Variants in PARD3B observed in about 807,000 individuals in gnomAD.
PARD3B encodes partitioning defective 3 homolog B.
In PARD3B, 103 loss-of-function variants were observed where a neutral mutation model predicts 130.2. The ratio of observed to expected loss-of-function variants is 0.79; its 90% CI spans 0.67 to 0.93. The LOEUF is 0.93. PARD3B is among the 40% of genes least tolerant of loss of function. PARD3B has a pLI of 0.00. For synonymous variants in PARD3B, 583 were observed against 553.2 expected (o/e 1.05, Z -0.76); for missense variants, 1,609 against 1,499.2 (o/e 1.07, Z -1.21).
At chr2:204,650,536 G>A (rs1483200195) in intron 1 of PARD3B, among the ~76,000 whole-genome samples, 1 of 152,130 alleles carries the variant, frequency 6.6e-6, no homozygotes, top group Non-Finnish European at 1.5e-5. Flanking sequence ...AGAAAATGTG[G>A]TACATATACA....
intron 18 of PARD3B, among the ~76,000 whole-genome samples, chr2:205,377,857 G>A (rs849212): frequency 0.21 from 31,559 of 147,730 alleles, 3,870 homozygotes; most frequent in African/African-American, 0.35. Context: ...TGCAACCTCC[G>A]TCTTCTGGGT....
intron 16 of PARD3B, among the ~76,000 whole-genome samples, chr2:205,296,657 TTGTGTATGTG>T (rs1355313269): frequency 2.9e-5 from 4 of 138,022 alleles, no homozygotes; most frequent in Non-Finnish European, 6.1e-5. Flanking sequence ...TGGAGTGTGT[TTGTGTATGTG>T]TGTGTGTGTG....
chr2:205,571,681 C>G (rs768727104), intron 22 of PARD3B, among the ~76,000 whole-genome samples: 1 of 152,088 alleles, frequency 6.6e-6, no homozygotes, highest in Non-Finnish European at 1.5e-5. Context: ...GGCTCTCCAT[C>G]GAGAAGAGCA....
chr2:205,274,859 C>G lies in PARD3B; in HGVS notation c.2186-25671C>G, dbSNP rs1444299462. 6.6e-6 allele frequency among the ~76,000 whole-genome samples: 1 copy of G among 152,162 alleles called. No individual in the cohort carries two copies. Among genetic ancestry groups the G allele is most frequent in the African/African-American group, 2.4e-5 (1 of 41,434 alleles). On this transcript the variant is annotated intron_variant, in intron 16 of 22. Transcript: ENST00000406610. This position sits in a 1 kb window ranked among gnomAD's most constrained non-coding sequence, Gnocchi z 4.2. The stretch of plus-strand genomic sequence containing the variant: ...TAATATTACCTTGTGTTTTAAACCA[C>G]TCAGAAAACTGGTAAAAAGCAGAAT...
intron 2 of PARD3B, among the ~76,000 whole-genome samples, chr2:204,896,128 A>C (rs2046632634): frequency 6.6e-6 from 1 of 152,150 alleles, no homozygotes; most frequent in South Asian, 2.1e-4. Flanking sequence ...TATTCTCTGT[A>C]CTTGTTCTGT....
chr2:204,549,650 C>T (rs2030296885), intron 1 of PARD3B, among the ~76,000 whole-genome samples: 1 of 152,150 alleles, frequency 6.6e-6, no homozygotes, highest in Non-Finnish European at 1.5e-5. Flanking sequence ...CACTAATCTA[C>T]TCTAATCTTT....
chr2:205,328,587 A>T (rs186978092), intron 18 of PARD3B, among the ~76,000 whole-genome samples: 8 of 152,290 alleles, frequency 5.3e-5, no homozygotes, highest in Admixed American at 1.3e-4. Context: ...AGTTATTTTG[A>T]AACTAGTGTT....
chr2:205,487,740 C>A (rs2049500144), intron 20 of PARD3B, among the ~76,000 whole-genome samples: 1 of 152,152 alleles, frequency 6.6e-6, no homozygotes, highest in African/African-American at 2.4e-5. Context: ...GCTTATTTTT[C>A]CCAGAATTGA....
At chr2:204,819,000 G>T (rs1444460751) in intron 2 of PARD3B, among the ~76,000 whole-genome samples, 1 of 152,166 alleles carries the variant, frequency 6.6e-6, no homozygotes, top group African/African-American at 2.4e-5. Context: ...GATCCATGTG[G>T]TGGTGGATTA....
At chr2:205,254,821 C>A (rs1010856782) in intron 16 of PARD3B, among the ~76,000 whole-genome samples, 6 of 151,224 alleles carry the variant, frequency 4.0e-5, no homozygotes, top group African/African-American at 1.5e-4. Flanking sequence ...CCCGCCACCT[C>A]GCCCGGCTAA....
At chr2:204,903,076 A>G (rs2046924763) in intron 2 of PARD3B, among the ~76,000 whole-genome samples, 1 of 152,232 alleles carries the variant, frequency 6.6e-6, no homozygotes. Context: ...TTACATTTCT[A>G]TCATACAAGC....
intron 1 of PARD3B, among the ~76,000 whole-genome samples, chr2:204,564,136 C>T (rs986181270): frequency 6.6e-6 from 1 of 152,176 alleles, no homozygotes; most frequent in Non-Finnish European, 1.5e-5. Context: ...CATTGCTATT[C>T]AGTCTGTAAT....
At chr2:205,008,481 C>T (rs547723134) in intron 3 of PARD3B, among the ~76,000 whole-genome samples, 11 of 152,196 alleles carry the variant, frequency 7.2e-5, no homozygotes, top group East Asian at 3.9e-4. Context: ...CCCTCAACAA[C>T]GTTGACCTTT....
At chr2:205,471,522 T>C (rs2048834652) in intron 20 of PARD3B, among the ~76,000 whole-genome samples, 1 of 151,872 alleles carries the variant, frequency 6.6e-6, no homozygotes, top group South Asian at 2.1e-4. Context: ...CCACCACGCC[T>C]GGCTAATTTC....
intron 2 of PARD3B, among the ~76,000 whole-genome samples, chr2:204,687,976 G>C (rs987648640): frequency 6.6e-6 from 1 of 152,126 alleles, no homozygotes; most frequent in African/African-American, 2.4e-5. Flanking sequence ...CTCACATTTA[G>C]AGCATTCTTT....
chr2:205,596,606 A>T (rs1419679137), intron 22 of PARD3B, among the ~76,000 whole-genome samples: 1 of 152,198 alleles, frequency 6.6e-6, no homozygotes, highest in Non-Finnish European at 1.5e-5. Context: ...ATTAATAGAG[A>T]GAAGCCAAAA....
At chr2:204,733,595 C>A (rs1449378697) in intron 2 of PARD3B, among the ~76,000 whole-genome samples, 3 of 149,564 alleles carry the variant, frequency 2.0e-5, no homozygotes, top group Non-Finnish European at 3.0e-5. Flanking sequence ...ATTTCTGGAA[C>A]AAGAAAACCT....
chr2:204,953,602 T>C (rs1378265286), intron 2 of PARD3B, among the ~76,000 whole-genome samples: 1 of 152,188 alleles, frequency 6.6e-6, no homozygotes, highest in Non-Finnish European at 1.5e-5. Flanking sequence ...ATCTTGCCCC[T>C]ACACTTTTCT....
At chr2:205,358,219 C>A (rs1414182630) in intron 18 of PARD3B, among the ~76,000 whole-genome samples, 1 of 152,144 alleles carries the variant, frequency 6.6e-6, no homozygotes, top group African/African-American at 2.4e-5. Flanking sequence ...ATCACCGCTA[C>A]TCTTTTAAAA....
Sources: gnomAD v4.1 joint callset for allele counts (sites outside exome capture counted in the v4.1 genomes callset) on GRCh38, gnomAD v4.1.1 for gene constraint, Gnocchi (gnomAD v3.1) non-coding constraint, MANE v1.5 for transcripts, NCBI Gene and HGNC (gene_info 2026-07-23, HGNC 2026-07-21) for gene names.